LRP1B: variants seen among roughly 807,000 people sequenced by gnomAD.
LRP1B encodes low-density lipoprotein receptor-related protein 1B.
LRP1B carries 217 observed loss-of-function variants against 556.6 expected under a neutral mutation model. The observed-to-expected ratio is 0.39, with a 90% confidence interval of 0.35 to 0.44. The LOEUF (loss-of-function observed/expected upper bound fraction) is 0.44. Among genes scored for constraint, LRP1B ranks in the 20% least tolerant of loss-of-function variants. LRP1B has a pLI of 1.00. For missense variants in LRP1B, 5,053 were observed against 5,620.8 expected, an observed-to-expected ratio of 0.90 and a Z score of 3.23; for synonymous variants, 2,047 against 1,865.8, an observed-to-expected ratio of 1.10 and a Z score of -2.50.
chr2:140,334,513 C>A lies in LRP1B; in HGVS notation c.12163G>T (p.Ala4055Ser), dbSNP rs2105083361. ...CTTCTCAGTGTACCATCCATGGCTG[C>A]TTCTTCTATATGGGAATGATCCCCA... Reference protein sequence around the residue: ...VVGDHSHIEEAAMDGTLRRIL... With the variant: ...VVGDHSHIEESAMDGTLRRIL... Residue 4055 changes from alanine to serine, a missense_variant, in exon 79 of 91, where the codon GCA becomes TCA. Physicochemically the swap from Ala to Ser is moderately conservative, Grantham distance 99 (BLOSUM62 1). This residue lies in a region of LRP1B where 22 missense variants were observed against 53.4 expected (regional missense o/e 0.41). Transcript: ENST00000389484. 1 of 1,606,032 alleles carries A rather than the reference C, an allele frequency of 6.2e-7. No individual in the cohort carries two copies. The highest frequency in any genetic ancestry group is 8.5e-7 in the Non-Finnish European group (1 of 1,176,576).
chr2:140,342,664 C>T (rs1339372069), intron 77 of LRP1B, among the ~76,000 whole-genome samples: 1 of 151,448 alleles, frequency 6.6e-6, no homozygotes, highest in Non-Finnish European at 1.5e-5. Context: ...GGACTCCATA[C>T]TCACGTATAC....
chr2:141,544,384 C>CTTCTTCTTCTT (rs1559131566), intron 2 of LRP1B, among the ~76,000 whole-genome samples: 1 of 40,838 alleles, frequency 2.4e-5, no homozygotes, highest in African/African-American at 7.5e-5. Flanking sequence ...TTCTTCTTCT[C>CTTCTTCTTCTT]CTCCTCCTCC....
intron 35 of LRP1B, among the ~76,000 whole-genome samples, chr2:140,732,788 A>G (rs1256012474): frequency 6.6e-6 from 1 of 152,160 alleles, no homozygotes; most frequent in Non-Finnish European, 1.5e-5. Context: ...AAAGGTTCAG[A>G]GTTTTTTAGA....
chr2:140,663,970 G>A (rs1189564301), intron 41 of LRP1B, among the ~76,000 whole-genome samples: 1 of 152,038 alleles, frequency 6.6e-6, no homozygotes, highest in Non-Finnish European at 1.5e-5. Context: ...TGTGCCTCAG[G>A]GAATAAAGAG....
chr2:141,005,262 C>T (rs2105373337), intron 15 of LRP1B, 73 bp downstream of exon 15: 5 of 1,504,800 alleles, frequency 3.3e-6, no homozygotes, highest in African/African-American at 1.4e-5. Context: ...ATTTTAATTC[C>T]TTTAGTTTCT....
chr2:140,784,062 C>T (rs1044131299), intron 32 of LRP1B, among the ~76,000 whole-genome samples: 2 of 152,132 alleles, frequency 1.3e-5, no homozygotes, highest in Non-Finnish European at 2.9e-5. Flanking sequence ...TGGGTCTTCA[C>T]CTGAGACAAA....
chr2:140,581,173 G>C (rs1488548126), intron 43 of LRP1B, among the ~76,000 whole-genome samples: 1 of 152,190 alleles, frequency 6.6e-6, no homozygotes, highest in African/African-American at 2.4e-5. Flanking sequence ...CCTGAAGTCA[G>C]AATTGAAAGG....
At chr2:140,566,380 G>A (rs1681126338) in intron 43 of LRP1B, among the ~76,000 whole-genome samples, 2 of 152,194 alleles carry the variant, frequency 1.3e-5, no homozygotes, top group South Asian at 4.1e-4. Context: ...AGCAACTAGG[G>A]GCTGGAGCTA....
intron 1 of LRP1B, among the ~76,000 whole-genome samples, chr2:142,126,896 C>T (rs1009010227): frequency 1.3e-5 from 2 of 151,834 alleles, no homozygotes; most frequent in Middle Eastern, 3.4e-3. Flanking sequence ...TATGGTATCC[C>T]CTGGGCTGAG....
chr2:141,996,791 T>C (rs1174483096), intron 1 of LRP1B, among the ~76,000 whole-genome samples: 1 of 150,854 alleles, frequency 6.6e-6, no homozygotes, highest in African/African-American at 2.4e-5. Context: ...TGAATTCCTT[T>C]GGGGTTTTTA....
At chr2:140,976,496 T>C (rs1227198380) in intron 18 of LRP1B, among the ~76,000 whole-genome samples, 1 of 148,432 alleles carries the variant, frequency 6.7e-6, no homozygotes, top group Admixed American at 6.8e-5. Context: ...CTATCTTTTT[T>C]TTTTTCCTTT....
At chr2:141,274,059 A>G (rs1417640679) in intron 3 of LRP1B, among the ~76,000 whole-genome samples, 1 of 152,216 alleles carries the variant, frequency 6.6e-6, no homozygotes, top group African/African-American at 2.4e-5. Flanking sequence ...GTGACAGACA[A>G]TAACAAGTGT....
At chr2:141,865,043 A>C (rs935511518) in intron 1 of LRP1B, among the ~76,000 whole-genome samples, 10 of 152,200 alleles carry the variant, frequency 6.6e-5, no homozygotes, top group African/African-American at 2.4e-4. Context: ...TTATTAGAAC[A>C]GTGCAGAAAT....
At chr2:140,884,125 G>A (rs1242849093) in intron 24 of LRP1B, 104 bp from the exon 25 acceptor site, 4 of 1,064,910 alleles carry the variant, frequency 3.8e-6, no homozygotes, top group Non-Finnish European at 5.5e-6. Context: ...TTATTTCAAT[G>A]TGATTTCAAC....
chr2:141,794,947 G>C (rs1226926874), intron 2 of LRP1B, among the ~76,000 whole-genome samples: 1 of 151,980 alleles, frequency 6.6e-6, no homozygotes, highest in Non-Finnish European at 1.5e-5. Flanking sequence ...TCTCTTTAAG[G>C]TCCATCAGTA....
At chr2:140,963,872 G>A (rs1209817066) in intron 18 of LRP1B, among the ~76,000 whole-genome samples, 1 of 152,152 alleles carries the variant, frequency 6.6e-6, no homozygotes, top group African/African-American at 2.4e-5. Flanking sequence ...GCCCCACAGG[G>A]TCGGTGGGTC....
At chr2:140,849,198 TACAAAAA>T (rs1692366565) in intron 29 of LRP1B, among the ~76,000 whole-genome samples, 3 of 16,926 alleles carry the variant, frequency 1.8e-4, no homozygotes, top group Non-Finnish European at 1.5e-4. Context: ...CTACTAAAAA[TACAAAAA>T]AAAAAAAAAA....
At chr2:141,704,402 A>G (rs1406628571) in intron 2 of LRP1B, among the ~76,000 whole-genome samples, 2 of 151,984 alleles carry the variant, frequency 1.3e-5, no homozygotes, top group Non-Finnish European at 2.9e-5. Context: ...CTCAATCATC[A>G]AAGAAGTACG....
intron 1 of LRP1B, among the ~76,000 whole-genome samples, chr2:141,909,526 AT>A (rs377577096): frequency 0.16 from 14,283 of 90,834 alleles, 1,645 homozygotes; most frequent in Non-Finnish European, 0.19. Context: ...GGTCTCAGAC[AT>A]TTTTTTTTTT....
Sources: allele counts gnomAD v4.1 joint callset (sites outside exome capture counted in the v4.1 genomes callset), GRCh38; gene constraint gnomAD v4.1.1; regional missense constraint gnomAD v4.1.1; transcripts MANE v1.5; gene names NCBI Gene and HGNC (gene_info 2026-07-23, HGNC 2026-07-21).